The following KDM4C variants were observed in gnomAD, a reference collection of about 807,000 sequenced individuals.
KDM4C encodes lysine demethylase 4C.
A neutral mutation model predicts 129.3 loss-of-function variants in KDM4C; 81 were observed. That is an observed-to-expected ratio of 0.63 (90% CI 0.52 to 0.75). KDM4C has a LOEUF of 0.75. Among genes scored for constraint, KDM4C ranks in the 30% least tolerant of loss-of-function variants. KDM4C has a pLI of 0.00. For missense variants in KDM4C, 1,457 were observed against 1,304.0 expected (o/e 1.12, Z -1.81); for synonymous variants, 573 against 456.1 (o/e 1.26, Z -3.26).
At chr9:6,748,774 A>G (rs1182943819) in intron 1 of KDM4C, 3 of 1,449,138 alleles carry the variant, frequency 2.1e-6, no homozygotes, top group Non-Finnish European at 1.9e-6. Context: ...TGTTTTCTTG[A>G]CTTTGTTTTC....
upstream of KDM4C, among the ~76,000 whole-genome samples, chr9:6,754,106 C>T (rs1472866608): frequency 6.6e-6 from 1 of 151,900 alleles, no homozygotes; most frequent in Non-Finnish European, 1.5e-5. Context: ...GATCTCCTGA[C>T]CTCAGGTGAT....
intron 1 of KDM4C, among the ~76,000 whole-genome samples, chr9:6,768,176 A>G (rs1193061060): frequency 6.6e-6 from 1 of 152,006 alleles, no homozygotes; most frequent in Non-Finnish European, 1.5e-5. Flanking sequence ...TGGTTCCCTA[A>G]TTAAACTGGC....
At chr9:6,858,602 T>C (rs1055379926) in intron 5 of KDM4C, among the ~76,000 whole-genome samples, 2 of 152,006 alleles carry the variant, frequency 1.3e-5, no homozygotes, top group African/African-American at 4.8e-5. Context: ...AGCAAAACCC[T>C]CTGTCTACTA....
intron 19 of KDM4C, among the ~76,000 whole-genome samples, chr9:7,159,321 G>A (rs550761090): frequency 6.6e-6 from 1 of 152,132 alleles, no homozygotes; most frequent in Non-Finnish European, 1.5e-5. Context: ...GGGGCATTTA[G>A]CCCATTTACA....
chr9:7,153,985 C>G (rs1280091228), intron 19 of KDM4C, among the ~76,000 whole-genome samples: 1 of 152,162 alleles, frequency 6.6e-6, no homozygotes. Flanking sequence ...CTCTCTTCTA[C>G]TTGTTTCTCT....
intron 17 of KDM4C, chr9:7,076,767 C>G: frequency 9.1e-7 from 1 of 1,100,542 alleles, no homozygotes; most frequent in Non-Finnish European, 1.1e-6. Context: ...CTTTCTGTAT[C>G]CTAGAGTTTC....
intron 12 of KDM4C, among the ~76,000 whole-genome samples, chr9:7,008,926 A>G (rs1350742790): frequency 1.3e-5 from 2 of 152,242 alleles, no homozygotes; most frequent in Admixed American, 1.3e-4. Flanking sequence ...CAAAGGTTGG[A>G]ATAAGTCACT....
At chr9:6,735,598 T>A (rs1018241605) in intron 1 of KDM4C, among the ~76,000 whole-genome samples, 1 of 152,160 alleles carries the variant, frequency 6.6e-6, no homozygotes, top group African/African-American at 2.4e-5. Flanking sequence ...CCCTCTCTTT[T>A]TTGCATGCTG....
At chr9:7,156,715 T>C (rs1236851125) in intron 19 of KDM4C, among the ~76,000 whole-genome samples, 3 of 152,208 alleles carry the variant, frequency 2.0e-5, no homozygotes, top group African/African-American at 7.2e-5. Context: ...GGTCTATATC[T>C]CTGTTTTGGT....
At chr9:6,867,125 C>T (rs916815923) in intron 5 of KDM4C, among the ~76,000 whole-genome samples, 1 of 151,282 alleles carries the variant, frequency 6.6e-6, no homozygotes, top group African/African-American at 2.4e-5. Context: ...AAGCAATTCC[C>T]CTGCCTCAAC....
intron 15 of KDM4C, among the ~76,000 whole-genome samples, chr9:7,036,911 T>C (rs949414437): frequency 1.3e-5 from 2 of 152,188 alleles, no homozygotes; most frequent in African/African-American, 4.8e-5. Context: ...TACTTGCCAG[T>C]ACAGAATTCA....
chr9:7,130,288 A>G (rs1308377728), intron 19 of KDM4C, among the ~76,000 whole-genome samples: 2 of 152,246 alleles, frequency 1.3e-5, no homozygotes, highest in Non-Finnish European at 2.9e-5. Context: ...CATGATAGGA[A>G]TTAATGAACC....
chr9:7,036,579 G>A (rs573298358), intron 15 of KDM4C, among the ~76,000 whole-genome samples: 10 of 152,152 alleles, frequency 6.6e-5, no homozygotes, highest in South Asian at 4.2e-4. Context: ...GTAAATTGTC[G>A]TCTGCTGATA....
chr9:6,858,779 CAAA>C (rs74638217), intron 5 of KDM4C, among the ~76,000 whole-genome samples: 1 of 134,554 alleles, frequency 7.4e-6, no homozygotes. Context: ...CCCCCCCCGG[CAAA>C]AAAAAAAAAT....
At chr9:6,782,564 G>A (rs185086832) in intron 1 of KDM4C, among the ~76,000 whole-genome samples, 35 of 152,090 alleles carry the variant, frequency 2.3e-4, no homozygotes, top group African/African-American at 7.9e-4. Flanking sequence ...CGGCGTACAC[G>A]TGACACATAT....
intron 19 of KDM4C, among the ~76,000 whole-genome samples, chr9:7,151,679 C>T (rs1410817698): frequency 6.6e-6 from 1 of 152,076 alleles, no homozygotes; most frequent in Non-Finnish European, 1.5e-5. Context: ...GACCCTGTGT[C>T]AAAACTATTA....
chr9:6,748,689 T>A (rs1183468367), intron 1 of KDM4C: 3 of 1,345,904 alleles, frequency 2.2e-6, no homozygotes, highest in South Asian at 2.3e-5. Flanking sequence ...AATTTCTCAC[T>A]TCATTGATCA....
At chr9:6,924,282 T>C (rs1348027304) in intron 8 of KDM4C, among the ~76,000 whole-genome samples, 7 of 152,282 alleles carry the variant, frequency 4.6e-5, no homozygotes, top group African/African-American at 1.7e-4. Flanking sequence ...TTTGTGCTTG[T>C]TAGTTGCAGT....
At chr9:6,748,831 C>T (rs747418625) in intron 1 of KDM4C, 1 of 1,213,450 alleles carries the variant, frequency 8.2e-7, no homozygotes, top group African/African-American at 1.5e-5. Context: ...ATATACTCAT[C>T]AAAACCAATG....
Sources: allele counts gnomAD v4.1 joint callset (sites outside exome capture counted in the v4.1 genomes callset), GRCh38; gene constraint gnomAD v4.1.1; transcripts MANE v1.5; gene names NCBI Gene and HGNC (gene_info 2026-07-23, HGNC 2026-07-21).